Variants in RNGTT observed in about 807,000 individuals in gnomAD.
The protein encoded by RNGTT is mRNA-capping enzyme.
Under a neutral mutation model 79.3 loss-of-function variants are expected in RNGTT, and 33 were observed. The ratio of observed to expected loss-of-function variants is 0.42; its 90% CI spans 0.32 to 0.56. The LOEUF (loss-of-function observed/expected upper bound fraction) is 0.56, where lower values mean the gene tolerates loss of function less well. RNGTT is among the 20% of genes least tolerant of loss of function. The pLI is 0.17. For missense variants in RNGTT, 497 were observed against 739.1 expected (o/e 0.67, Z 3.80); for synonymous variants, 222 against 235.9 (o/e 0.94, Z 0.54).
intron 10 of RNGTT, among the ~76,000 whole-genome samples, chr6:88,846,705 A>G (rs937140823): frequency 7.2e-5 from 11 of 151,768 alleles, no homozygotes; most frequent in African/African-American, 2.7e-4. Flanking sequence ...GGTTGCTGTG[A>G]GCTGAGATCA....
chr6:88,940,074 T>A (rs558674437), intron 2 of RNGTT, among the ~76,000 whole-genome samples: 1 of 150,116 alleles, frequency 6.7e-6, no homozygotes, highest in Admixed American at 6.6e-5. Flanking sequence ...TTCTTTTTTT[T>A]TTTTCTTTTC....
chr6:88,643,220 G>C (rs1269858055), intron 14 of RNGTT, among the ~76,000 whole-genome samples: 1 of 151,578 alleles, frequency 6.6e-6, no homozygotes, highest in Non-Finnish European at 1.5e-5. Context: ...GAAAAAAAAA[G>C]GACACACACA....
chr6:88,891,609 G>A (rs1183967846), intron 7 of RNGTT, among the ~76,000 whole-genome samples, 197 bp downstream of exon 7: 1 of 152,018 alleles, frequency 6.6e-6, no homozygotes, highest in Non-Finnish European at 1.5e-5. Flanking sequence ...TATTACTTTA[G>A]GAAAATATGT....
intron 6 of RNGTT, 94 bp downstream of exon 6, chr6:88,904,621 T>A: frequency 7.2e-7 from 1 of 1,390,818 alleles, no homozygotes; most frequent in Non-Finnish European, 9.7e-7. Flanking sequence ...CAAACCTAGC[T>A]AAAGAAACAT....
At chr6:88,621,244 A>G (rs1008763655) in intron 14 of RNGTT, among the ~76,000 whole-genome samples, 7 of 152,206 alleles carry the variant, frequency 4.6e-5, no homozygotes, top group Admixed American at 6.5e-5. Flanking sequence ...CTGGAGATGC[A>G]GAAACCAGAT....
At chr6:88,869,575 A>G (rs1013176694) in intron 8 of RNGTT, among the ~76,000 whole-genome samples, 4 of 152,082 alleles carry the variant, frequency 2.6e-5, no homozygotes, top group Non-Finnish European at 5.9e-5. Context: ...CTTGGGATCT[A>G]TCTAAACTGT....
At position 88,697,231 on chromosome 6, in the gene RNGTT, T is replaced by C. The variant is rs187422158; in HGVS notation, c.1440-18812A>G. On this transcript the variant is annotated intron_variant, in intron 13 of 15. Coordinates refer to ENST00000369485, the MANE Select transcript of RNGTT (RefSeq NM_003800.5). ...ACTATAGTGACTATTAATTTTAACT[T>C]GAATAATTCATTAGTAAACATTAGA... is the stretch of plus-strand genomic sequence containing the variant. 3.3e-5 allele frequency among the ~76,000 whole-genome samples: 5 copies of C among 152,306 alleles called. No homozygotes were observed. In the East Asian group the frequency reaches 9.6e-4, roughly 29 times the overall value.
intron 11 of RNGTT, among the ~76,000 whole-genome samples, chr6:88,803,723 G>A (rs1198582252): frequency 6.8e-6 from 1 of 147,362 alleles, no homozygotes; most frequent in East Asian, 2.0e-4. Flanking sequence ...TGCTCTACTT[G>A]TATTGTAGGT....
intron 13 of RNGTT, among the ~76,000 whole-genome samples, chr6:88,761,683 T>A (rs1446157373): frequency 2.0e-5 from 3 of 152,166 alleles, no homozygotes; most frequent in Non-Finnish European, 4.4e-5. Context: ...TGTGACACAG[T>A]CATGCTCACT....
At chr6:88,647,839 A>T (rs553302339) in intron 14 of RNGTT, among the ~76,000 whole-genome samples, 5 of 151,888 alleles carry the variant, frequency 3.3e-5, no homozygotes, top group African/African-American at 9.7e-5. Context: ...AAATCCTCTT[A>T]TGAAAAGTAA....
chr6:88,649,020 T>C (rs554864121), intron 14 of RNGTT, among the ~76,000 whole-genome samples: 26 of 152,280 alleles, frequency 1.7e-4, no homozygotes, highest in Non-Finnish European at 3.2e-4. Flanking sequence ...AGCAAAGCAA[T>C]GTACAGCAGG....
At chr6:88,650,669 T>C (rs992830643) in intron 14 of RNGTT, among the ~76,000 whole-genome samples, 5 of 152,142 alleles carry the variant, frequency 3.3e-5, no homozygotes, top group East Asian at 3.8e-4. Context: ...TCAAAATGCA[T>C]AGGTGATTTA....
At chr6:88,830,420 T>A (rs1462761749) in intron 11 of RNGTT, among the ~76,000 whole-genome samples, 1 of 152,190 alleles carries the variant, frequency 6.6e-6, no homozygotes, top group African/African-American at 2.4e-5. Flanking sequence ...GGGACACAGC[T>A]ACAGCAGTGT....
At chr6:88,931,706 A>C (rs543187629) in intron 2 of RNGTT, among the ~76,000 whole-genome samples, 1 of 152,310 alleles carries the variant, frequency 6.6e-6, no homozygotes, top group East Asian at 1.9e-4. Context: ...TGGAGGCTTA[A>C]TCCCATCTCA....
chr6:88,910,328 T>C (rs1437772463), intron 4 of RNGTT, among the ~76,000 whole-genome samples: 1 of 152,002 alleles, frequency 6.6e-6, no homozygotes, highest in East Asian at 1.9e-4. Flanking sequence ...CAAAATACAA[T>C]TAAAAATCTT....
intron 13 of RNGTT, among the ~76,000 whole-genome samples, chr6:88,753,957 C>A (rs1464840351): frequency 1.3e-5 from 2 of 151,950 alleles, no homozygotes; most frequent in African/African-American, 4.8e-5. Context: ...GGCATTAGAC[C>A]ATAAAGAAAA....
At position 88,790,835 on chromosome 6, in the gene RNGTT, G is replaced by A. The variant is rs1357142338; in HGVS notation, c.1338+10729C>T. On this transcript the variant is annotated intron_variant, in intron 12 of 15. Transcript: ENST00000369485. Reference sequence around the variant, plus strand: ...CTTAAAAAGTTCTTGGCCTGATTAAGGGTCCTAAACTTCTCATTTAGAACT... The same window carrying A: ...CTTAAAAAGTTCTTGGCCTGATTAAAGGTCCTAAACTTCTCATTTAGAACT... 3.3e-5 allele frequency among the ~76,000 whole-genome samples: 5 copies of A among 152,142 alleles called. No homozygotes were observed. In the East Asian group the frequency reaches 9.6e-4, roughly 29 times the overall value.
At chr6:88,763,440 A>G (rs1335045281) in intron 13 of RNGTT, among the ~76,000 whole-genome samples, 1 of 152,172 alleles carries the variant, frequency 6.6e-6, no homozygotes, top group Admixed American at 6.5e-5. Flanking sequence ...TATCTTAAAC[A>G]TTTTGAGGAA....
rs533394122 is a variant in RNGTT at position 88,628,352 on chromosome 6, G to C, written c.1507-13957C>G. 1.8e-4 allele frequency among the ~76,000 whole-genome samples: 28 copies of C among 152,116 alleles called. 1 individual carries two copies. The highest frequency in any genetic ancestry group is 3.4e-3 in the Middle Eastern group (1 of 294). On this transcript the variant is annotated intron_variant, in intron 14 of 15. Transcript: ENST00000369485. The stretch of plus-strand genomic sequence containing the variant: ...AAACATTTTAGAGCTGAAACTCCAA[G>C]CAGGAAACTTTAAAATCATCAAATA...
Sources: gnomAD v4.1 joint callset for allele counts (sites outside exome capture counted in the v4.1 genomes callset) on GRCh38, gnomAD v4.1.1 for gene constraint, MANE v1.5 for transcripts, NCBI Gene and HGNC (gene_info 2026-07-23, HGNC 2026-07-21) for gene names.